Variants in RFTN1 observed in about 807,000 individuals in gnomAD.
The protein encoded by RFTN1 is raftlin.
Under a neutral mutation model 46.5 loss-of-function variants are expected in RFTN1, and 26 were observed. That is an observed-to-expected ratio of 0.56 (90% CI 0.41 to 0.78). RFTN1 has a LOEUF of 0.78. Among genes scored for constraint, RFTN1 ranks in the 30% least tolerant of loss-of-function variants. RFTN1 has a pLI of 0.00. For synonymous variants in RFTN1, 261 were observed against 284.2 expected (o/e 0.92, Z 0.82); for missense variants, 693 against 718.7 (o/e 0.96, Z 0.41).
chr3:16,497,174 GTC>G (rs1024876547), intron 1 of RFTN1, among the ~76,000 whole-genome samples: 4 of 152,168 alleles, frequency 2.6e-5, no homozygotes, highest in Admixed American at 2.6e-4. Flanking sequence ...CCACTGAGCA[GTC>G]TCTGTATTGA....
chr3:16,510,717 G>C (rs2076884419), intron 1 of RFTN1, among the ~76,000 whole-genome samples: 1 of 152,318 alleles, frequency 6.6e-6, no homozygotes, highest in African/African-American at 2.4e-5. Context: ...AGGTCTGGCA[G>C]TTTCTTTTCA....
At position 16,345,726 on chromosome 3, in the gene RFTN1, T is replaced by C. The variant is rs1320577137; in HGVS notation, c.1146+12206A>G. Among the ~76,000 whole-genome samples the C allele has an allele frequency of 6.6e-6, 1 of 151,782 alleles. No homozygotes were observed. The highest frequency in any genetic ancestry group is 1.5e-5 in the Non-Finnish European group (1 of 67,960). ...CTTTCCTGGGTCTCCAGCTTGCAGA[T>C]AGCAGACTGTGGGACTCCTCAGCCT... On this transcript the variant is annotated intron_variant, in intron 7 of 9. Transcript: ENST00000334133. This position sits in a 1 kb window ranked among gnomAD's most constrained non-coding sequence, Gnocchi z 5.2.
At chr3:16,503,227 G>A (rs1270572057) in intron 1 of RFTN1, among the ~76,000 whole-genome samples, 1 of 152,136 alleles carries the variant, frequency 6.6e-6, no homozygotes, top group Admixed American at 6.5e-5. Context: ...TACTCAACAT[G>A]TGGACCTCAG....
At chr3:16,347,624 AC>A (rs2071819732) in intron 7 of RFTN1, 1 of 152,196 alleles carries the variant, frequency 6.6e-6, no homozygotes, top group Non-Finnish European at 1.5e-5. Context: ...CTCTGTGTGC[AC>A]ACTCACCTCT....
In RFTN1 at chr3:16,489,011, C is replaced by T. The variant is rs1471250922; in HGVS notation, c.145+4714G>A. ...ACTCAGCAGTAAAACAGAAAACACA[C>T]CAAACAACATAAATCAATCTTAAAT... On this transcript the variant is annotated intron_variant, in intron 2 of 9. Transcript: ENST00000334133. The surrounding 1 kb of genome is among the most constrained non-coding windows in gnomAD (Gnocchi z 4.0). Among the ~76,000 whole-genome samples the T allele has an allele frequency of 6.6e-6, 1 of 152,144 alleles. No individual in the cohort carries two copies. The highest frequency in any genetic ancestry group is 1.5e-5 in the Non-Finnish European group (1 of 68,040).
rs2125386252 is a variant in RFTN1 at position 16,382,239 on chromosome 3, A to C, written c.442-4137T>G. Among the ~76,000 whole-genome samples the C allele has an allele frequency of 6.6e-6, 1 of 152,328 alleles. No individual in the cohort carries two copies. Among genetic ancestry groups the C allele is most frequent in the South Asian group, 2.1e-4 (1 of 4,826 alleles). ...AAGTTGTTTACCAAAAAGGGTGCGT[A>C]GTCCTTTTTAACTAGACGACCACAT... On this transcript the variant is annotated intron_variant, in intron 4 of 9. Transcript: ENST00000334133. The surrounding 1 kb of genome is among the most constrained non-coding windows in gnomAD (Gnocchi z 4.7).
rs577871542 is a variant in RFTN1, at chr3:16,383,458, GA to G, written c.442-5357del. On this transcript the variant is annotated intron_variant, in intron 4 of 9. Transcript: ENST00000334133. This position sits in a 1 kb window ranked among gnomAD's most constrained non-coding sequence, Gnocchi z 4.0. ...TAACTATAATCAGGAATCATGATGT[GA>G]AAAATATTTCTTTTTAAAAAAATGT... 4.0e-3 allele frequency among the ~76,000 whole-genome samples: 610 copies of G among 152,178 alleles called. 3 individuals are homozygous for G. Among genetic ancestry groups the G allele is most frequent in the Admixed American group, 0.011 (170 of 15,278 alleles).
rs528925115 is a variant in RFTN1, at chr3:16,361,462, G to A, written c.1031-3415C>T. Among the ~76,000 whole-genome samples the A allele has an allele frequency of 8.9e-4, 136 of 152,296 alleles. No individual in the cohort carries two copies. Among genetic ancestry groups the A allele is most frequent in the Admixed American group, 1.7e-3 (26 of 15,300 alleles). On this transcript the variant is annotated intron_variant, in intron 6 of 9. Coordinates refer to ENST00000334133, the MANE Select transcript of RFTN1 (RefSeq NM_015150.2). The surrounding 1 kb of genome is among the most constrained non-coding windows in gnomAD (Gnocchi z 4.3). Reference sequence around the variant, plus strand: ...AGAAAAATACTAAGTGGGCCAAGGGGAGAGTGTGAAGGTGGACACAGTGGT... The same window carrying A: ...AGAAAAATACTAAGTGGGCCAAGGGAAGAGTGTGAAGGTGGACACAGTGGT...
At chr3:16,439,012 A>T (rs538651741) in intron 2 of RFTN1, among the ~76,000 whole-genome samples, 4 of 152,346 alleles carry the variant, frequency 2.6e-5, no homozygotes, top group Non-Finnish European at 5.9e-5. Context: ...TTATCTTAAA[A>T]TCTAAAGATG....
rs1444562383 is a variant in RFTN1 at position 16,320,253 on chromosome 3, T to A, written c.1333-3021A>T. On this transcript the variant is annotated intron_variant, in intron 9 of 9. Coordinates refer to ENST00000334133, the MANE Select transcript of RFTN1 (RefSeq NM_015150.2). The surrounding 1 kb of genome is among the most constrained non-coding windows in gnomAD (Gnocchi z 4.5). ...AGAAGTTTAATATTTGCCTTGAAAA[T>A]CACACGCACGTACACAGAGGTTTCT... Among the ~76,000 whole-genome samples, 2 of 152,202 alleles carry A rather than the reference T, an allele frequency of 1.3e-5. No homozygotes were observed. Among genetic ancestry groups the A allele is most frequent in the Non-Finnish European group, 2.9e-5 (2 of 68,042 alleles).
At chr3:16,366,369 C>T (rs1449972203) in intron 6 of RFTN1, among the ~76,000 whole-genome samples, 2 of 152,216 alleles carry the variant, frequency 1.3e-5, no homozygotes, top group Admixed American at 6.5e-5. Flanking sequence ...TTCCCATCCT[C>T]TAGAAATAGA....
In RFTN1 at chr3:16,318,774, T is replaced by C. The variant is rs150074117; in HGVS notation, c.1333-1542A>G. On this transcript the variant is annotated intron_variant, in intron 9 of 9. Transcript: ENST00000334133. ...AAAACCCAAATGAGTTCACTTACAA[T>C]GTTGGATGGGTTTCTCCTTTGACTT... Among the ~76,000 whole-genome samples, 870 of 152,310 alleles carry C rather than the reference T, an allele frequency of 5.7e-3. 7 individuals carry two copies. The highest frequency in any genetic ancestry group is 0.02 in the African/African-American group (820 of 41,580).
At position 16,468,977 on chromosome 3, in the gene RFTN1, A is replaced by C. The variant is rs1227598241; in HGVS notation, c.145+24748T>G. On this transcript the variant is annotated intron_variant, in intron 2 of 9. Coordinates refer to ENST00000334133, the MANE Select transcript of RFTN1 (RefSeq NM_015150.2). The surrounding 1 kb of genome is among the most constrained non-coding windows in gnomAD (Gnocchi z 4.4). ...CCATCACTCAGCCTGCCTGAATCGC[A>C]TCTGACACTGGCCACTAAGGTGGAG... 6.6e-6 allele frequency among the ~76,000 whole-genome samples: 1 copy of C among 152,242 alleles called. No homozygotes were observed. Among genetic ancestry groups the C allele is most frequent in the Non-Finnish European group, 1.5e-5 (1 of 68,044 alleles).
rs571413454 is a variant in RFTN1, at chr3:16,381,617, T to TG, written c.442-3516dup. 8.1e-4 allele frequency among the ~76,000 whole-genome samples: 124 copies of TG among 152,276 alleles called. No individual in the cohort carries two copies. The highest frequency in any genetic ancestry group is 5.0e-4 in the Non-Finnish European group (34 of 68,016). On this transcript the variant is annotated intron_variant, in intron 4 of 9. Transcript: ENST00000334133. The surrounding 1 kb of genome is among the most constrained non-coding windows in gnomAD (Gnocchi z 4.2). ...TTGGGACCTACTCTGCAGAAGGCTT[T>TG]GAAGGATGAATAAGAGTTCAGCACA...
At chr3:16,326,664 G>T in intron 8 of RFTN1, 109 bp downstream of exon 8, 1 of 792,694 alleles carries the variant, frequency 1.3e-6, no homozygotes, top group Non-Finnish European at 2.0e-6. Context: ...ATAACTACCA[G>T]CCTCTTGCAC....
rs2076070814 is a variant in RFTN1, at chr3:16,465,315, G to A, written c.145+28410C>T. On this transcript the variant is annotated intron_variant, in intron 2 of 9. Transcript: ENST00000334133. The surrounding 1 kb of genome is among the most constrained non-coding windows in gnomAD (Gnocchi z 5.1). ...GAAGAAAAATGAGAAGTATCCTGAA[G>A]AATGTGTTCAATTTTTATCCATTTG... Among the ~76,000 whole-genome samples the A allele has an allele frequency of 6.6e-6, 1 of 151,548 alleles. No individual in the cohort carries two copies. The highest frequency in any genetic ancestry group is 2.4e-5 in the African/African-American group (1 of 41,238).
chr3:16,316,795 A>T lies in RFTN1; in HGVS notation c.*33T>A. 6.2e-7 allele frequency: 1 copy of T among 1,612,146 alleles called. No homozygotes were observed. Among genetic ancestry groups the T allele is most frequent in the Non-Finnish European group, 8.5e-7 (1 of 1,179,494 alleles). ...TTGGTAAGATGCCTTGGGTTTGGCA[A>T]CTCACCTAGTTTTAGCACAAATTGC... On this transcript the variant is annotated 3_prime_UTR_variant, in exon 10 of 10. Coordinates refer to ENST00000334133, the MANE Select transcript of RFTN1 (RefSeq NM_015150.2). The surrounding 1 kb of genome is among the most constrained non-coding windows in gnomAD (Gnocchi z 4.5).
chr3:16,433,868 C>G lies in RFTN1; in HGVS notation c.315G>C (p.Leu105=). 6.2e-7 allele frequency: 1 copy of G among 1,614,132 alleles called. No homozygotes were observed. Among genetic ancestry groups the G allele is most frequent in the Non-Finnish European group, 8.5e-7 (1 of 1,180,018 alleles). The change falls in exon 3 of 10, where the codon CTG becomes CTC. Residue 105 remains leucine (L), a synonymous_variant. Transcript: ENST00000334133. This position sits in a 1 kb window ranked among gnomAD's most constrained non-coding sequence, Gnocchi z 4.4. The part of the protein sequence containing the change: ...TPLEHIFRAI[L]IKKTDRSQKT... ...GGCCTTACCTGTCGGTTTTCTTGAT[C>G]AGGATGGCTCTAAAGATGTGCTCCA...
rs771320467 is a variant in RFTN1, at chr3:16,334,603, G to T, written c.1147-7727C>A. On this transcript the variant is annotated intron_variant, in intron 7 of 9. Coordinates refer to ENST00000334133, the MANE Select transcript of RFTN1 (RefSeq NM_015150.2). This position sits in a 1 kb window ranked among gnomAD's most constrained non-coding sequence, Gnocchi z 4.3. ...TCATGTGTTGAGCCGGGGCATACAG[G>T]ATGAAGAGGGACAATGAGAGGGAAT... Among the ~76,000 whole-genome samples the T allele has an allele frequency of 1.3e-5, 2 of 152,188 alleles. No individual in the cohort carries two copies. Among genetic ancestry groups the T allele is most frequent in the Non-Finnish European group, 2.9e-5 (2 of 68,032 alleles).
Sources: gnomAD v4.1 joint callset for allele counts (sites outside exome capture counted in the v4.1 genomes callset) on GRCh38, gnomAD v4.1.1 for gene constraint, Gnocchi (gnomAD v3.1) non-coding constraint, MANE v1.5 for transcripts, NCBI Gene and HGNC (gene_info 2026-07-23, HGNC 2026-07-21) for gene names.